Variants in VTCN1 observed in about 807,000 individuals in gnomAD.
The protein encoded by VTCN1 is V-set domain containing T cell activation inhibitor 1, also known as V-set domain-containing T-cell activation inhibitor 1.
Under a neutral mutation model 26.5 loss-of-function variants are expected in VTCN1, and 26 were observed. The observed-to-expected ratio is 0.98, with a 90% CI of 0.72 to 1.36. The LOEUF (loss-of-function observed/expected upper bound fraction) is 1.36. VTCN1 is among the 40% of genes most tolerant of loss of function. The probability of loss-of-function intolerance (pLI) is 0.00; values close to 1 mark genes in which losing one functional copy is unlikely to be tolerated. For missense variants in VTCN1, 298 were observed against 337.7 expected (o/e 0.88, Z 0.92); for synonymous variants, 116 against 130.7 (o/e 0.89, Z 0.77).
At chr1:117,163,538 A>C (rs979939165) in intron 2 of VTCN1, among the ~76,000 whole-genome samples, 1 of 152,194 alleles carries the variant, frequency 6.6e-6, no homozygotes, top group Non-Finnish European at 1.5e-5. Flanking sequence ...CATTTCACTA[A>C]ATGTTTGCTT....
In VTCN1 at chr1:117,175,755, ATCTCTCTC is replaced by A. The variant is rs201137610; in HGVS notation, c.33-5592_33-5585del. On this transcript the variant is annotated intron_variant, in intron 1 of 5. Coordinates refer to ENST00000369458, the MANE Select transcript of VTCN1 (RefSeq NM_024626.4). The surrounding 1 kb of genome is among the most constrained non-coding windows in gnomAD (Gnocchi z 4.2). Reference sequence around the variant, plus strand: ...AAAATAAACCAGAAGAGAGATACCTATCTCTCTCTCTCTCTCTCTTTTTTTTTTTTTTT... The same window carrying A: ...AAAATAAACCAGAAGAGAGATACCTATCTCTCTCTCTTTTTTTTTTTTTTT... Among the ~76,000 whole-genome samples, 1 of 140,228 alleles carries A rather than the reference ATCTCTCTC, an allele frequency of 7.1e-6. No individual in the cohort carries two copies. Among genetic ancestry groups the A allele is most frequent in the Non-Finnish European group, 1.5e-5 (1 of 65,998 alleles). The allele number at this position is 140,228 out of a possible 152,430, so 92.0% of individuals were successfully genotyped here. A position where few individuals can be genotyped will look rare whatever the true frequency, so the allele number is the denominator to read the frequency against.
intron 1 of VTCN1, among the ~76,000 whole-genome samples, chr1:117,196,021 A>G (rs1301368104): frequency 2.8e-4 from 42 of 152,092 alleles, no homozygotes; most frequent in Non-Finnish European, 8.8e-5. Context: ...GCATATTGGC[A>G]TGCACCCATA....
chr1:117,180,098 T>C (rs1246482415), intron 1 of VTCN1, among the ~76,000 whole-genome samples: 1 of 152,180 alleles, frequency 6.6e-6, no homozygotes, highest in South Asian at 2.1e-4. Flanking sequence ...CAATCTTACA[T>C]AGATTGAAAA....
intron 2 of VTCN1, among the ~76,000 whole-genome samples, chr1:117,168,693 CAAA>C (rs1364082639): frequency 6.6e-6 from 1 of 151,934 alleles, no homozygotes; most frequent in East Asian, 1.9e-4. Context: ...ACCTACAAAT[CAAA>C]AAGAGAAAGA....
chr1:117,190,284 A>G (rs1648181130), intron 1 of VTCN1, among the ~76,000 whole-genome samples: 1 of 152,154 alleles, frequency 6.6e-6, no homozygotes, highest in African/African-American at 2.4e-5. Flanking sequence ...TACCTTCAGC[A>G]TTTTTCAGGC....
intron 1 of VTCN1, among the ~76,000 whole-genome samples, chr1:117,185,647 C>T (rs919967197): frequency 5.9e-5 from 9 of 152,120 alleles, no homozygotes; most frequent in Admixed American, 1.3e-4. Flanking sequence ...AGGCTTTATC[C>T]GATAAGAAAC....
At chr1:117,171,217 T>A (rs962828749) in intron 1 of VTCN1, among the ~76,000 whole-genome samples, 1 of 152,242 alleles carries the variant, frequency 6.6e-6, no homozygotes, top group Non-Finnish European at 1.5e-5. Context: ...TATTCTATGG[T>A]GTATACGTGC....
intron 1 of VTCN1, among the ~76,000 whole-genome samples, chr1:117,195,326 C>A (rs1648457169): frequency 6.6e-6 from 1 of 150,814 alleles, no homozygotes; most frequent in Non-Finnish European, 1.5e-5. Flanking sequence ...TTGAAATTTG[C>A]TAACAGAGCA....
chr1:117,171,567 A>G (rs1652918286), intron 1 of VTCN1, among the ~76,000 whole-genome samples: 1 of 152,192 alleles, frequency 6.6e-6, no homozygotes, highest in Non-Finnish European at 1.5e-5. Context: ...ATCCTCACCA[A>G]TTTTTAATGA....
At chr1:117,168,579 T>C (rs1273997740) in intron 2 of VTCN1, among the ~76,000 whole-genome samples, 3 of 152,182 alleles carry the variant, frequency 2.0e-5, no homozygotes, top group Admixed American at 6.5e-5. Flanking sequence ...TAAGAACTTC[T>C]GCTCATTGAA....
At chr1:117,150,694 C>A (rs549666278) in intron 4 of VTCN1, among the ~76,000 whole-genome samples, 1 of 152,288 alleles carries the variant, frequency 6.6e-6, no homozygotes, top group South Asian at 2.1e-4. Context: ...AGTATATCCA[C>A]GTTGTTATAA....
rs967751623 is a variant in VTCN1, at chr1:117,161,530, C to G, written c.98-4609G>C. On this transcript the variant is annotated intron_variant, in intron 2 of 5. Coordinates refer to ENST00000369458, the MANE Select transcript of VTCN1 (RefSeq NM_024626.4). This position sits in a 1 kb window ranked among gnomAD's most constrained non-coding sequence, Gnocchi z 4.3. Reference sequence around the variant, plus strand: ...TCTATCTCTGGAACTAGTTTGTGAGCTTTTCAAGAGCAGAAACTGTCTTAA... The same window carrying G: ...TCTATCTCTGGAACTAGTTTGTGAGGTTTTCAAGAGCAGAAACTGTCTTAA... Among the ~76,000 whole-genome samples, 2 of 152,158 alleles carry G rather than the reference C, an allele frequency of 1.3e-5. No individual in the cohort carries two copies. The highest frequency in any genetic ancestry group is 2.4e-5 in the African/African-American group (1 of 41,428).
intron 4 of VTCN1, among the ~76,000 whole-genome samples, chr1:117,150,703 A>G (rs1651742906): frequency 6.6e-6 from 1 of 152,234 alleles, no homozygotes; most frequent in Non-Finnish European, 1.5e-5. Flanking sequence ...ACGTTGTTAT[A>G]AAACAAATCA....
At chr1:117,192,750 C>G (rs1648306217) in intron 1 of VTCN1, among the ~76,000 whole-genome samples, 1 of 150,584 alleles carries the variant, frequency 6.6e-6, no homozygotes, top group Admixed American at 6.6e-5. Flanking sequence ...CAGGATAACT[C>G]AAAAAAAATT....
intron 1 of VTCN1, among the ~76,000 whole-genome samples, chr1:117,170,543 T>C: frequency 6.6e-6 from 1 of 152,184 alleles, no homozygotes; most frequent in East Asian, 1.9e-4. Flanking sequence ...TCCCTGAGCA[T>C]CACTGTCCAC....
At chr1:117,208,687 G>C (rs974310797) in intron 1 of VTCN1, among the ~76,000 whole-genome samples, 1 of 152,198 alleles carries the variant, frequency 6.6e-6, no homozygotes, top group Non-Finnish European at 1.5e-5. Flanking sequence ...CCATGATGGG[G>C]AGAGGGGAGG....
At position 117,155,545 on chromosome 1, in the gene VTCN1, C is replaced by A. The variant is rs1374886272; in HGVS notation, c.445+1029G>T. On this transcript the variant is annotated intron_variant, in intron 3 of 5. Transcript: ENST00000369458. This position sits in a 1 kb window ranked among gnomAD's most constrained non-coding sequence, Gnocchi z 4.8. ...TACTTATTTTGTTGCTTAAATTGTT[C>A]CAGCTTTGCCATTGGAAGCTCTTTC... Among the ~76,000 whole-genome samples, 1 of 152,122 alleles carries A rather than the reference C, an allele frequency of 6.6e-6. No homozygotes were observed. Among genetic ancestry groups the A allele is most frequent in the African/African-American group, 2.4e-5 (1 of 41,428 alleles).
At chr1:117,156,019 T>C (rs1475279022) in intron 3 of VTCN1, among the ~76,000 whole-genome samples, 1 of 152,228 alleles carries the variant, frequency 6.6e-6, no homozygotes, top group Non-Finnish European at 1.5e-5. Flanking sequence ...TAATCATCTT[T>C]ATACTCTCAC....
At position 117,147,618 on chromosome 1, in the gene VTCN1, G is replaced by A. The variant is rs926059159; in HGVS notation, c.*40C>T. On this transcript the variant is annotated 3_prime_UTR_variant, in exon 5 of 6. Coordinates refer to ENST00000369458, the MANE Select transcript of VTCN1 (RefSeq NM_024626.4). This position sits in a 1 kb window ranked among gnomAD's most constrained non-coding sequence, Gnocchi z 4.6. Reference sequence around the variant, plus strand: ...CTATTTGTGATTAATCTCACCTGTTGTAACAATGACTTTGCATGCTTTTTT... The same window carrying A: ...CTATTTGTGATTAATCTCACCTGTTATAACAATGACTTTGCATGCTTTTTT... 1.4e-5 allele frequency: 22 copies of A among 1,608,656 alleles called. No homozygotes were observed. Among genetic ancestry groups the A allele is most frequent in the Admixed American group, 3.4e-5 (2 of 58,756 alleles).
Sources: gnomAD v4.1 joint callset for allele counts (sites outside exome capture counted in the v4.1 genomes callset) on GRCh38, gnomAD v4.1.1 for gene constraint, Gnocchi (gnomAD v3.1) non-coding constraint, MANE v1.5 for transcripts, NCBI Gene and HGNC (gene_info 2026-07-23, HGNC 2026-07-21) for gene names.